The following ZNF804B variants were observed in gnomAD, a reference collection of about 807,000 sequenced individuals.
The protein encoded by ZNF804B is zinc finger protein 804B.
ZNF804B carries 80 observed loss-of-function variants against 101.4 expected under a neutral mutation model. The ratio of observed to expected loss-of-function variants is 0.79; its 90% confidence interval spans 0.66 to 0.95. The LOEUF (loss-of-function observed/expected upper bound fraction) is 0.95. Ranked by LOEUF, ZNF804B falls within the 40% of genes least tolerant of loss-of-function variation. The pLI, the probability that ZNF804B is intolerant of heterozygous loss-of-function variation, is 0.00. For missense variants in ZNF804B, 1,673 were observed against 1,561.9 expected (o/e 1.07, Z -1.20); for synonymous variants, 622 against 558.8 (o/e 1.11, Z -1.59).
At chr7:89,087,501 G>A (rs1789822647) in intron 1 of ZNF804B, among the ~76,000 whole-genome samples, 1 of 151,796 alleles carries the variant, frequency 6.6e-6, no homozygotes, top group African/African-American at 2.4e-5. Flanking sequence ...AATACACTAA[G>A]TAAATATTAC....
At chr7:89,110,924 T>A (rs973674594) in intron 1 of ZNF804B, among the ~76,000 whole-genome samples, 15 of 152,146 alleles carry the variant, frequency 9.9e-5, no homozygotes, top group Admixed American at 5.9e-4. Flanking sequence ...ACCACTGATC[T>A]TTTTACTGTT....
At chr7:89,088,191 G>A (rs577727552) in intron 1 of ZNF804B, among the ~76,000 whole-genome samples, 3 of 152,088 alleles carry the variant, frequency 2.0e-5, no homozygotes, top group South Asian at 2.1e-4. Flanking sequence ...ATAGTTTCAT[G>A]ATTATTACTG....
At chr7:88,839,433 G>T (rs542468491) in intron 1 of ZNF804B, among the ~76,000 whole-genome samples, 1 of 152,030 alleles carries the variant, frequency 6.6e-6, no homozygotes, top group South Asian at 2.1e-4. Flanking sequence ...GAGGAATACT[G>T]CTGTCCAGAA....
In ZNF804B at chr7:89,223,606, A is replaced by ATTATCTATTTAT. The variant is rs150210130; in HGVS notation, c.249+5315_249+5316insCTATTTATTTAT. ...TTCTATAATTTGAATAAAAATTAAG[A>ATTATCTATTTAT]TTATTTATTTATTTATTTATTTATT... On this transcript the variant is annotated intron_variant, in intron 2 of 3. Transcript: ENST00000333190. Among the ~76,000 whole-genome samples the ATTATCTATTTAT allele has an allele frequency of 6.1e-5, 9 of 146,834 alleles. No individual in the cohort carries two copies. In the South Asian group the frequency reaches 1.3e-3, roughly 21 times the overall value.
intron 1 of ZNF804B, among the ~76,000 whole-genome samples, chr7:88,931,690 A>G (rs1006513263): frequency 6.6e-6 from 1 of 151,816 alleles, no homozygotes. Flanking sequence ...TGCTCCATAA[A>G]ATGAGTCCAG....
chr7:89,115,168 A>T (rs529488212), intron 1 of ZNF804B, among the ~76,000 whole-genome samples: 2 of 152,294 alleles, frequency 1.3e-5, no homozygotes, highest in East Asian at 3.9e-4. Context: ...TGAACTCTCC[A>T]CCTGGAGCAT....
intron 1 of ZNF804B, among the ~76,000 whole-genome samples, chr7:88,767,458 C>A (rs146824663): frequency 6.6e-6 from 1 of 152,326 alleles, no homozygotes; most frequent in African/African-American, 2.4e-5. Context: ...TAATTATGTT[C>A]TCTAACGTCT....
chr7:89,306,109 A>G (rs1215514894), intron 2 of ZNF804B, among the ~76,000 whole-genome samples: 1 of 152,048 alleles, frequency 6.6e-6, no homozygotes, highest in Admixed American at 6.6e-5. Flanking sequence ...CAGCTGACTT[A>G]CCCAAACAGA....
chr7:89,268,132 C>T (rs1300904466), intron 2 of ZNF804B, among the ~76,000 whole-genome samples: 1 of 152,108 alleles, frequency 6.6e-6, no homozygotes, highest in East Asian at 1.9e-4. Context: ...AGCATTCTTA[C>T]TAAAAGTAAT....
At chr7:89,308,610 T>C (rs1790602463) in intron 2 of ZNF804B, among the ~76,000 whole-genome samples, 1 of 152,210 alleles carries the variant, frequency 6.6e-6, no homozygotes, top group South Asian at 2.1e-4. Flanking sequence ...TCCATTCACA[T>C]GGATATCACT....
At chr7:89,164,945 C>T (rs1404046789) in intron 1 of ZNF804B, among the ~76,000 whole-genome samples, 1 of 151,934 alleles carries the variant, frequency 6.6e-6, no homozygotes, top group Non-Finnish European at 1.5e-5. Context: ...GTTATTTAAT[C>T]CTCAGAACAG....
chr7:88,990,112 T>C (rs1240899612), intron 1 of ZNF804B, among the ~76,000 whole-genome samples: 3 of 151,896 alleles, frequency 2.0e-5, no homozygotes, highest in Non-Finnish European at 2.9e-5. Context: ...AATATTAGGA[T>C]GATACTATGT....
chr7:88,906,367 C>G (rs1039470384), intron 1 of ZNF804B, among the ~76,000 whole-genome samples: 6 of 152,074 alleles, frequency 3.9e-5, no homozygotes, highest in African/African-American at 1.4e-4. Flanking sequence ...ATCTTTCTAA[C>G]TTCTTGATGA....
intron 1 of ZNF804B, among the ~76,000 whole-genome samples, chr7:88,936,210 C>A (rs954588799): frequency 6.6e-6 from 1 of 151,838 alleles, no homozygotes; most frequent in African/African-American, 2.4e-5. Flanking sequence ...ATGATGTTCC[C>A]AGCATTACAC....
intron 1 of ZNF804B, among the ~76,000 whole-genome samples, chr7:88,938,442 G>A (rs1047967800): frequency 6.6e-6 from 1 of 151,800 alleles, no homozygotes; most frequent in Non-Finnish European, 1.5e-5. Flanking sequence ...TTCAAAATAC[G>A]GCAAATAAAC....
intron 1 of ZNF804B, among the ~76,000 whole-genome samples, chr7:89,049,460 A>G (rs1265945505): frequency 6.6e-6 from 1 of 152,162 alleles, no homozygotes; most frequent in African/African-American, 2.4e-5. Flanking sequence ...GTAGCTTGAA[A>G]TTGGTTATAA....
rs554250842 is a variant in ZNF804B, at chr7:89,017,688, A to C, written c.109-200467A>C. On this transcript the variant is annotated intron_variant, in intron 1 of 3. Transcript: ENST00000333190. The stretch of plus-strand genomic sequence containing the variant: ...TTTCTGTTATTTTTGTGTGTTCATC[A>C]ATTTCTTTCATCAGTGTTGTATCAT... Among the ~76,000 whole-genome samples the C allele has an allele frequency of 2.0e-5, 3 of 152,214 alleles. No individual in the cohort carries two copies. The East Asian group carries it at 5.8e-4, about 29-fold the overall frequency.
chr7:89,200,494 C>G (rs574999471), intron 1 of ZNF804B, among the ~76,000 whole-genome samples: 1 of 151,936 alleles, frequency 6.6e-6, no homozygotes, highest in Non-Finnish European at 1.5e-5. Context: ...AAACTTCTTA[C>G]CAAGGAGCAC....
At chr7:89,157,301 A>C (rs1562900231) in intron 1 of ZNF804B, among the ~76,000 whole-genome samples, 1 of 152,198 alleles carries the variant, frequency 6.6e-6, no homozygotes, top group Non-Finnish European at 1.5e-5. Context: ...GAAAATGTCA[A>C]GGTCTCCTAA....
Sources: gnomAD v4.1 joint callset for allele counts (sites outside exome capture counted in the v4.1 genomes callset) on GRCh38, gnomAD v4.1.1 for gene constraint, MANE v1.5 for transcripts, NCBI Gene and HGNC (gene_info 2026-07-23, HGNC 2026-07-21) for gene names.